Variants in ZBTB10 observed in about 807,000 individuals in gnomAD.
ZBTB10 encodes the protein zinc finger and BTB domain containing 10.
In ZBTB10, 32 loss-of-function variants were observed where a neutral mutation model predicts 76.4. That is an observed-to-expected ratio of 0.42 (90% confidence interval 0.32 to 0.56). The LOEUF (loss-of-function observed/expected upper bound fraction) is 0.56, where lower values mean the gene tolerates loss of function less well. Among genes scored for constraint, ZBTB10 ranks in the 20% least tolerant of loss-of-function variants. The probability of loss-of-function intolerance (pLI) is 0.14; values close to 1 mark genes in which losing one functional copy is unlikely to be tolerated. For missense variants in ZBTB10, 1,057 were observed against 1,098.5 expected, an observed-to-expected ratio of 0.96 and a Z score of 0.53; for synonymous variants, 523 against 432.9, an observed-to-expected ratio of 1.21 and a Z score of -2.58.
At chr8:80,505,151 T>TA (rs1209750442) in intron 2 of ZBTB10, among the ~76,000 whole-genome samples, 1 of 152,190 alleles carries the variant, frequency 6.6e-6, no homozygotes, top group Non-Finnish European at 1.5e-5. Context: ...GCAAAGAAGT[T>TA]AAGAGTGCTC....
intron 3 of ZBTB10, among the ~76,000 whole-genome samples, chr8:80,515,845 A>C (rs1816313122): frequency 6.6e-6 from 1 of 152,192 alleles, no homozygotes; most frequent in Non-Finnish European, 1.5e-5. Flanking sequence ...TTTTGAAGAG[A>C]TCTATAATGA....
In ZBTB10 at chr8:80,487,325, A is replaced by C; in HGVS notation, c.515A>C (p.Glu172Ala). 1 of 1,540,000 alleles carries C rather than the reference A, an allele frequency of 6.5e-7. No homozygotes were observed. Among genetic ancestry groups the C allele is most frequent in the Non-Finnish European group, 8.8e-7 (1 of 1,140,836 alleles). Residue 172 changes from glutamate (E) to alanine (A), a missense_variant, in exon 1 of 6, where the codon GAG (glutamate) becomes GCG (alanine). Physicochemically the swap from Glu to Ala is moderately radical, Grantham distance 107. Around this residue, in one of 5 missense-constraint regions of ZBTB10, gnomAD observed 556 missense variants for 451.7 expected, o/e 1.23. Coordinates refer to ENST00000455036, the MANE Select transcript of ZBTB10 (RefSeq NM_001105539.3). ...DLELDALEGK[E>A]LMQDGASLSD... Reference sequence around the variant, plus strand: ...GAGCTGGACGCGCTGGAGGGGAAGGAGTTGATGCAGGACGGCGCGTCCCTG... The same window carrying C: ...GAGCTGGACGCGCTGGAGGGGAAGGCGTTGATGCAGGACGGCGCGTCCCTG...
intron 3 of ZBTB10, 109 bp downstream of exon 3, chr8:80,514,117 A>T (rs1232341385): frequency 2.2e-6 from 2 of 904,700 alleles, no homozygotes; most frequent in Non-Finnish European, 1.7e-6. Flanking sequence ...ATTGTATATA[A>T]CTACTTTCAA....
intron 1 of ZBTB10, among the ~76,000 whole-genome samples, chr8:80,488,890 A>G (rs1435572424): frequency 6.6e-6 from 1 of 152,196 alleles, no homozygotes; most frequent in Non-Finnish European, 1.5e-5. Context: ...CCTGGGGTTA[A>G]TTAGGCGCAC....
chr8:80,497,683 C>CTTTTTTTTTTT, intron 1 of ZBTB10, among the ~76,000 whole-genome samples: 1 of 87,632 alleles, frequency 1.1e-5, no homozygotes. Flanking sequence ...GTCCTGGAAT[C>CTTTTTTTTTTT]TTTTTTTTTT....
chr8:80,493,207 G>GCGCGCACA lies in ZBTB10; in HGVS notation c.972+5426_972+5427insGCGCACAC, dbSNP rs375071529. Among the ~76,000 whole-genome samples, 822 of 125,242 alleles carry GCGCGCACA rather than the reference G, an allele frequency of 6.6e-3. 4 individuals are homozygous for GCGCGCACA. Among genetic ancestry groups the GCGCGCACA allele is most frequent in the Middle Eastern group, 0.026 (6 of 234 alleles). The allele number at this position is 125,242 out of a possible 152,430, so 82.2% of individuals were successfully genotyped here. ...TGTGCCTCAAAACGCGCGCGCGCGC[G>GCGCGCACA]CACACACACACACACACACACACAC... On this transcript the variant is annotated intron_variant, in intron 1 of 5. Coordinates refer to ENST00000455036, the MANE Select transcript of ZBTB10 (RefSeq NM_001105539.3).
intron 5 of ZBTB10, 21 bp downstream of exon 5, chr8:80,518,975 C>G: frequency 6.4e-7 from 1 of 1,570,072 alleles, no homozygotes; most frequent in East Asian, 2.3e-5. Context: ...TTAAATACAG[C>G]TGATCTTTGA....
chr8:80,493,206 C>T (rs534617624), intron 1 of ZBTB10, among the ~76,000 whole-genome samples: 3 of 108,092 alleles, frequency 2.8e-5, no homozygotes, highest in East Asian at 2.3e-4. Flanking sequence ...CGCGCGCGCG[C>T]GCACACACAC....
chr8:80,493,538 C>T (rs561038556), intron 1 of ZBTB10, among the ~76,000 whole-genome samples: 3 of 151,978 alleles, frequency 2.0e-5, no homozygotes, highest in African/African-American at 7.2e-5. Context: ...CTGAATAGGC[C>T]GGGCGCGGTG....
rs1815485204 is a variant in ZBTB10, at chr8:80,487,032, C to G, written c.222C>G (p.Pro74=). The change falls in exon 1 of 6, where the codon CCC becomes CCG. Residue 74 remains proline (P), a synonymous_variant. Transcript: ENST00000455036. ...AAGTGGAATTGGAGGGCCTGGAGCC[C>G]CAAGACCTGGAGGCCTCCGCCGGGC... ...DEEVELEGLE[P]QDLEASAGPA... 26 of 1,520,576 alleles carry G rather than the reference C, an allele frequency of 1.7e-5. No individual in the cohort carries two copies. The East Asian group carries it at 6.8e-4, about 40-fold the overall frequency. The allele number at this position is 1,520,576 out of a possible 1,614,324, so 94.2% of individuals were successfully genotyped here. A position where few individuals can be genotyped will look rare whatever the true frequency, so the allele number is the denominator to read the frequency against.
intron 2 of ZBTB10, among the ~76,000 whole-genome samples, chr8:80,508,270 G>C (rs528375702): frequency 2.2e-4 from 33 of 152,294 alleles, no homozygotes; most frequent in Non-Finnish European, 4.0e-4. Flanking sequence ...GTTTTTTATA[G>C]AACTGAATTT....
intron 2 of ZBTB10, among the ~76,000 whole-genome samples, chr8:80,509,480 C>T (rs909063125): frequency 1.5e-4 from 23 of 152,120 alleles, no homozygotes. Flanking sequence ...GGAAACCTTT[C>T]CAACTCAGTC....
At chr8:80,506,410 GCTCAAGCAATTCTCCTGCCTCAGC>G (rs1339520097) in intron 2 of ZBTB10, among the ~76,000 whole-genome samples, 5 of 151,948 alleles carry the variant, frequency 3.3e-5, no homozygotes, top group African/African-American at 1.2e-4. Context: ...CACCTCCAGG[GCTCAAGCAATTCTCCTGCCTCAGC>G]CTCCCGAGTA....
At chr8:80,505,665 T>C (rs1389457721) in intron 2 of ZBTB10, among the ~76,000 whole-genome samples, 1 of 152,172 alleles carries the variant, frequency 6.6e-6, no homozygotes, top group Non-Finnish European at 1.5e-5. Context: ...TAAAAAAGCA[T>C]ACAATTTGGT....
intron 1 of ZBTB10, among the ~76,000 whole-genome samples, chr8:80,495,365 G>A (rs1815755763): frequency 6.6e-6 from 1 of 151,098 alleles, no homozygotes; most frequent in South Asian, 2.1e-4. Flanking sequence ...TTTTGAGGAT[G>A]CTATAGACCA....
intron 3 of ZBTB10, among the ~76,000 whole-genome samples, chr8:80,515,569 A>C (rs1323103305): frequency 6.6e-6 from 1 of 152,222 alleles, no homozygotes; most frequent in Non-Finnish European, 1.5e-5. Flanking sequence ...AGAAGATGTT[A>C]CTGCACTTGC....
intron 2 of ZBTB10, among the ~76,000 whole-genome samples, chr8:80,505,854 C>G (rs555613576): frequency 6.6e-6 from 1 of 152,068 alleles, no homozygotes; most frequent in African/African-American, 2.4e-5. Context: ...CTCACTCTCC[C>G]GCAATCAGCC....
rs181997569 is a variant in ZBTB10 at position 80,526,120 on chromosome 8, G to T, written c.*6592G>T. On this transcript the variant is annotated 3_prime_UTR_variant, in exon 6 of 6. Coordinates refer to ENST00000455036, the MANE Select transcript of ZBTB10 (RefSeq NM_001105539.3). Reference sequence around the variant, plus strand: ...AGAATTATTAGCCATTTGCTGCAAAGTATTTGTTTTAAAATGTCTGGCATA... The same window carrying T: ...AGAATTATTAGCCATTTGCTGCAAATTATTTGTTTTAAAATGTCTGGCATA... 6.8e-4 allele frequency: 103 copies of T among 152,164 alleles called. No individual in the cohort carries two copies. Among genetic ancestry groups the T allele is most frequent in the African/African-American group, 2.3e-3 (97 of 41,502 alleles). 9.4% of individuals were successfully genotyped at this position (152,164 alleles called of 1,614,324 possible).
At chr8:80,502,350 C>G (rs548889512) in intron 2 of ZBTB10, among the ~76,000 whole-genome samples, 93 of 152,254 alleles carry the variant, frequency 6.1e-4, no homozygotes, top group African/African-American at 2.1e-3. Flanking sequence ...ATTCTCCTAC[C>G]TCAGCCTCCC....
Sources: gnomAD v4.1 joint callset for allele counts (sites outside exome capture counted in the v4.1 genomes callset) on GRCh38, gnomAD v4.1.1 for gene constraint, gnomAD v4.1.1 regional missense constraint, MANE v1.5 for transcripts, NCBI Gene and HGNC (gene_info 2026-07-23, HGNC 2026-07-21) for gene names.